Variants in CTNNA2 observed in about 807,000 individuals in gnomAD.
CTNNA2 encodes catenin alpha-2.
In CTNNA2, 42 loss-of-function variants were observed where a neutral mutation model predicts 101.0. The observed-to-expected ratio is 0.42, with a 90% CI of 0.32 to 0.54. The LOEUF (loss-of-function observed/expected upper bound fraction) is 0.54, where lower values mean the gene tolerates loss of function less well. Among genes scored for constraint, CTNNA2 ranks in the 20% least tolerant of loss-of-function variants. The pLI, the probability that CTNNA2 is intolerant of heterozygous loss-of-function variation, is 0.14. For synonymous variants in CTNNA2, 450 were observed against 456.4 expected, an observed-to-expected ratio of 0.99 and a Z score of 0.18; for missense variants, 871 against 1,223.1, an observed-to-expected ratio of 0.71 and a Z score of 4.29.
At chr2:80,499,348 C>G (rs1239618462) in intron 9 of CTNNA2, among the ~76,000 whole-genome samples, 11 of 152,156 alleles carry the variant, frequency 7.2e-5, no homozygotes, top group Admixed American at 7.2e-4. Context: ...GCTCAAGATT[C>G]TGCTTTGTTT....
At chr2:79,863,891 T>C (rs1375435735) in intron 4 of CTNNA2, among the ~76,000 whole-genome samples, 3 of 151,794 alleles carry the variant, frequency 2.0e-5, no homozygotes, top group African/African-American at 7.3e-5. Flanking sequence ...CATGGAGGGG[T>C]GTCTTGCTGG....
intron 4 of CTNNA2, among the ~76,000 whole-genome samples, chr2:79,390,390 TTC>T (rs1469270062): frequency 6.6e-6 from 1 of 152,230 alleles, no homozygotes; most frequent in Non-Finnish European, 1.5e-5. Context: ...CTTACGGGAT[TTC>T]TCTTTTTCAG....
intron 1 of CTNNA2, chr2:79,548,131 AG>A (rs1673855832): frequency 1.3e-5 from 2 of 152,206 alleles, no homozygotes; most frequent in East Asian, 3.9e-4. Context: ...AAAAGGTTTT[AG>A]TACGTTTATT....
rs183515327 is a variant in CTNNA2, at chr2:79,789,949, G to T, written c.298+45367G>T. On this transcript the variant is annotated intron_variant, in intron 3 of 18. Coordinates refer to ENST00000402739, the MANE Select transcript of CTNNA2 (RefSeq NM_001282597.3). ...GGCCTAGGATTTGGCAATCTGTGAT[G>T]AGAGTGGATATTAATCTTCTGGGAG... 2.9e-3 allele frequency among the ~76,000 whole-genome samples: 446 copies of T among 152,288 alleles called. 2 individuals carry two copies. Among genetic ancestry groups the T allele is most frequent in the Non-Finnish European group, 4.9e-3 (331 of 68,022 alleles).
intron 3 of CTNNA2, among the ~76,000 whole-genome samples, chr2:79,841,928 T>C (rs1388201209): frequency 1.3e-5 from 2 of 152,212 alleles, no homozygotes; most frequent in Non-Finnish European, 2.9e-5. Context: ...TGAACATTTA[T>C]AAATCAGGAC....
chr2:80,632,957 T>C (rs542883483), intron 18 of CTNNA2, among the ~76,000 whole-genome samples: 4 of 152,308 alleles, frequency 2.6e-5, no homozygotes, highest in South Asian at 2.1e-4. Flanking sequence ...GTCCAAACTT[T>C]CACAGCCAGT....
intron 4 of CTNNA2, among the ~76,000 whole-genome samples, chr2:79,376,450 G>A (rs1166051402): frequency 1.6e-5 from 1 of 61,390 alleles, no homozygotes. Flanking sequence ...CTTGTTGGTT[G>A]GTTTTGTTTT....
At chr2:79,643,477 T>C (rs1050368294) in intron 1 of CTNNA2, among the ~76,000 whole-genome samples, 2 of 152,066 alleles carry the variant, frequency 1.3e-5, no homozygotes, top group African/African-American at 4.8e-5. Context: ...AATCAGAAAC[T>C]CTTGGGGTGG....
intron 7 of CTNNA2, among the ~76,000 whole-genome samples, chr2:80,219,479 G>A (rs1366405772): frequency 6.6e-6 from 1 of 151,952 alleles, no homozygotes; most frequent in Non-Finnish European, 1.5e-5. Flanking sequence ...AATTATCTAG[G>A]TGAGGATCAA....
chr2:80,610,997 G>A (rs1389722873), intron 17 of CTNNA2, among the ~76,000 whole-genome samples: 1 of 141,698 alleles, frequency 7.1e-6, no homozygotes, highest in African/African-American at 3.0e-5. Context: ...TTTCCTACCT[G>A]GCAATTAGGT....
At chr2:80,067,769 A>G (rs910958721) in intron 7 of CTNNA2, among the ~76,000 whole-genome samples, 4 of 152,178 alleles carry the variant, frequency 2.6e-5, no homozygotes, top group African/African-American at 9.7e-5. Context: ...GGGGACAGCC[A>G]GATGCCATGT....
chr2:79,636,556 T>C (rs1680083352), intron 1 of CTNNA2, among the ~76,000 whole-genome samples: 1 of 152,100 alleles, frequency 6.6e-6, no homozygotes, highest in Admixed American at 6.5e-5. Flanking sequence ...TTGCCAAATA[T>C]TTCTGTGTGA....
intron 1 of CTNNA2, among the ~76,000 whole-genome samples, chr2:79,581,594 C>T (rs1261056595): frequency 4.0e-5 from 6 of 151,666 alleles, no homozygotes; most frequent in Admixed American, 3.3e-4. Flanking sequence ...CCATTTTTTT[C>T]ACCTAATAGT....
chr2:80,116,377 A>T (rs1184210210), intron 7 of CTNNA2, among the ~76,000 whole-genome samples: 2 of 119,370 alleles, frequency 1.7e-5, no homozygotes, highest in Non-Finnish European at 3.3e-5. Context: ...CTAAAAAGCT[A>T]AAAAAAAAAA....
intron 7 of CTNNA2, among the ~76,000 whole-genome samples, chr2:79,918,804 T>C (rs1239707387): frequency 6.6e-6 from 1 of 152,196 alleles, no homozygotes; most frequent in African/African-American, 2.4e-5. Flanking sequence ...AGAACATAAG[T>C]TGACCTTCCA....
At chr2:79,786,745 A>C (rs1039960605) in intron 3 of CTNNA2, among the ~76,000 whole-genome samples, 6 of 152,118 alleles carry the variant, frequency 3.9e-5, no homozygotes, top group African/African-American at 1.4e-4. Context: ...ATTTCTTATA[A>C]GTACTCCCCA....
chr2:80,093,207 A>G (rs1293136721), intron 7 of CTNNA2, among the ~76,000 whole-genome samples: 1 of 151,176 alleles, frequency 6.6e-6, no homozygotes, highest in Non-Finnish European at 1.5e-5. Flanking sequence ...TCCTGTGTCC[A>G]TGTGTTCTCA....
At chr2:80,117,712 G>A (rs7588427) in intron 7 of CTNNA2, among the ~76,000 whole-genome samples, 1,571 of 152,160 alleles carry the variant, frequency 0.01, 22 homozygotes, top group African/African-American at 0.036. Context: ...GTCTACTGGG[G>A]GGATTGAATA....
intron 3 of CTNNA2, among the ~76,000 whole-genome samples, chr2:79,849,212 C>T (rs540439025): frequency 1.3e-5 from 2 of 151,706 alleles, no homozygotes; most frequent in Admixed American, 1.3e-4. Flanking sequence ...GCCCACTACC[C>T]TTGGTAGAAA....
Sources: gnomAD v4.1 joint callset for allele counts (sites outside exome capture counted in the v4.1 genomes callset) on GRCh38, gnomAD v4.1.1 for gene constraint, MANE v1.5 for transcripts, NCBI Gene and HGNC (gene_info 2026-07-23, HGNC 2026-07-21) for gene names.